The following PTPRQ variants were observed in gnomAD, a reference collection of about 807,000 sequenced individuals.
The protein encoded by PTPRQ is protein tyrosine phosphatase receptor type Q.
In PTPRQ, 199 loss-of-function variants were observed where a neutral mutation model predicts 246.0. That is an observed-to-expected ratio of 0.81 (90% confidence interval 0.72 to 0.91). The LOEUF is 0.91. Among genes scored for constraint, PTPRQ ranks in the 40% least tolerant of loss-of-function variants. PTPRQ has a pLI of 0.00. For synonymous variants in PTPRQ, 869 were observed against 853.2 expected (o/e 1.02, Z -0.32); for missense variants, 2,624 against 2,528.4 (o/e 1.04, Z -0.81).
chr12:80,515,315 A>G (rs1315136744), intron 17 of PTPRQ, among the ~76,000 whole-genome samples: 1 of 152,184 alleles, frequency 6.6e-6, no homozygotes, highest in African/African-American at 2.4e-5. Flanking sequence ...CATTGTTAGC[A>G]GGATTACTGT....
At chr12:80,455,304 CTT>C (rs1490252050) in intron 3 of PTPRQ, among the ~76,000 whole-genome samples, 1 of 152,126 alleles carries the variant, frequency 6.6e-6, no homozygotes, top group Non-Finnish European at 1.5e-5. Context: ...TTTAAAAAAA[CTT>C]TAGCTTAGTG....
intron 17 of PTPRQ, among the ~76,000 whole-genome samples, chr12:80,512,976 G>A (rs904621205): frequency 2.6e-5 from 4 of 152,080 alleles, no homozygotes; most frequent in Non-Finnish European, 4.4e-5. Flanking sequence ...CCTCTAGGGG[G>A]AGCATGCAGA....
intron 8 of PTPRQ, among the ~76,000 whole-genome samples, chr12:80,478,107 C>T (rs1432879363): frequency 6.6e-6 from 1 of 151,774 alleles, no homozygotes; most frequent in African/African-American, 2.4e-5. Flanking sequence ...ACAGCAGTAA[C>T]CTCTGCAGAC....
At chr12:80,543,917 T>G (rs966711101) in intron 23 of PTPRQ, among the ~76,000 whole-genome samples, 3 of 152,142 alleles carry the variant, frequency 2.0e-5, no homozygotes, top group Non-Finnish European at 4.4e-5. Context: ...CATTATTCCA[T>G]TTTTTATTTG....
chr12:80,676,508 G>A (rs1326806084), intron 43 of PTPRQ, among the ~76,000 whole-genome samples: 3 of 152,156 alleles, frequency 2.0e-5, no homozygotes, highest in African/African-American at 7.2e-5. Flanking sequence ...CAGGCGTGGT[G>A]GCGCGTGCCT....
In PTPRQ at chr12:80,636,108, T is replaced by G. The variant is rs527414573; in HGVS notation, c.5915+1035T>G. Among the ~76,000 whole-genome samples, 121 of 152,332 alleles carry G rather than the reference T, an allele frequency of 7.9e-4. 2 individuals are homozygous for G. Among genetic ancestry groups the G allele is most frequent in the African/African-American group, 2.7e-3 (114 of 41,574 alleles). On this transcript the variant is annotated intron_variant, in intron 35 of 44. Coordinates refer to ENST00000644991, the MANE Select transcript of PTPRQ (RefSeq NM_001145026.2). ...TCCAAATGCTACAAAATGAAGGTTA[T>G]TCAATGTTATCACTAAATTGCAGGG...
At chr12:80,618,681 T>C (rs968835450) in intron 30 of PTPRQ, among the ~76,000 whole-genome samples, 1 of 151,508 alleles carries the variant, frequency 6.6e-6, no homozygotes, top group Non-Finnish European at 1.5e-5. Context: ...TGAATTCCCA[T>C]CACCAGATGA....
At chr12:80,471,468 T>G (rs956082356) in intron 7 of PTPRQ, among the ~76,000 whole-genome samples, 1 of 80,506 alleles carries the variant, frequency 1.2e-5, no homozygotes, top group Non-Finnish European at 2.5e-5. Flanking sequence ...AATGAAATTA[T>G]TTAGCATTTT....
chr12:80,515,824 A>G (rs908391056), intron 17 of PTPRQ, among the ~76,000 whole-genome samples: 4 of 149,184 alleles, frequency 2.7e-5, no homozygotes, highest in Non-Finnish European at 5.9e-5. Flanking sequence ...TTTCTTTATC[A>G]TGAATATTTC....
chr12:80,459,298 G>C lies in PTPRQ; in HGVS notation c.475G>C (p.Val159Leu), dbSNP rs993674262. 130 of 398,258 alleles carry C rather than the reference G, an allele frequency of 3.3e-4. 3 individuals carry two copies. The highest frequency in any genetic ancestry group is 1.4e-3 in the Admixed American group (32 of 22,698). The allele number at this position is 398,258 out of a possible 1,614,324, so 24.7% of individuals were successfully genotyped here. ...CTCTTCCCCAGCTCCAGGAAAAGTG[G>C]TGAATCTCACAGTTGAGGCCTACAA... ...QTAESAPGKV[V>L]NLTVEAYNAS... The change falls in exon 5 of 45, where the codon GTG becomes CTG. Residue 159 changes from valine to leucine, a missense_variant. By Grantham distance (32) the Val-to-Leu change is conservative. Coordinates refer to ENST00000644991, the MANE Select transcript of PTPRQ (RefSeq NM_001145026.2).
Position 80,496,333 on chromosome 12 carries a change from C to A in PTPRQ, c.2074C>A (p.Pro692Thr). ...IRLKWSPPEK[P>T]NGIIIAYEVL... is the part of the protein sequence containing the mutation. ...GTTGAAGTGGTCACCACCCGAAAAG[C>A]CCAATGGGATCATTATTGCTTATGA... is the stretch of plus-strand genomic sequence containing the variant. Residue 692 changes from proline to threonine, a missense_variant, in exon 14 of 45, where the codon CCC becomes ACC. By Grantham distance (38) the Pro-to-Thr change is conservative. Coordinates refer to ENST00000644991, the MANE Select transcript of PTPRQ (RefSeq NM_001145026.2). 3 of 1,550,624 alleles carry A rather than the reference C, an allele frequency of 1.9e-6. No individual in the cohort carries two copies. Among genetic ancestry groups the A allele is most frequent in the South Asian group, 1.2e-5 (1 of 83,932 alleles).
At chr12:80,568,024 C>T (rs1897030531) in intron 25 of PTPRQ, among the ~76,000 whole-genome samples, 1 of 152,000 alleles carries the variant, frequency 6.6e-6, no homozygotes, top group Non-Finnish European at 1.5e-5. Flanking sequence ...GATTATTGGC[C>T]ATTCATATAC....
intron 9 of PTPRQ, 93 bp downstream of exon 9, chr12:80,484,698 T>C: frequency 6.9e-7 from 1 of 1,442,468 alleles, no homozygotes; most frequent in Admixed American, 2.6e-5. Context: ...ACACATGTAA[T>C]ATTTGACCAC....
rs1565785527 is a variant in PTPRQ at position 80,558,139 on chromosome 12, TTTTCTTTTCTTTTCTTTTCTTTTCTTTTC to T, written c.4285+8424_4285+8452del. Among the ~76,000 whole-genome samples, 944 of 128,142 alleles carry T rather than the reference TTTTCTTTTCTTTTCTTTTCTTTTCTTTTC, an allele frequency of 7.4e-3. 32 individuals are homozygous for T. The highest frequency in any genetic ancestry group is 0.033 in the African/African-American group (883 of 26,950). 84.1% of individuals were successfully genotyped at this position (128,142 alleles called of 152,430 possible). A position where few individuals can be genotyped will look rare whatever the true frequency, so the allele number is the denominator to read the frequency against. ...TCTTTCTTTCTTTTCTTTTCTTTTCTTTTCTTTTCTTTTCTTTTCTTTTCTTTTCTTTCTTTTCTTTTCTTTTTGAAACA... is the reference window on the plus strand; with the variant it reads ...TCTTTCTTTCTTTTCTTTTCTTTTCTTTTCTTTTCTTTTCTTTTTGAAACA... On this transcript the variant is annotated intron_variant, in intron 25 of 44. Coordinates refer to ENST00000644991, the MANE Select transcript of PTPRQ (RefSeq NM_001145026.2).
At chr12:80,630,699 G>A (rs1027519001) in intron 33 of PTPRQ, among the ~76,000 whole-genome samples, 5 of 151,998 alleles carry the variant, frequency 3.3e-5, no homozygotes, top group Middle Eastern at 3.2e-3. Context: ...CAACTATTTC[G>A]TTAGAAATAC....
chr12:80,638,329 T>C (rs1372668801), intron 35 of PTPRQ, among the ~76,000 whole-genome samples: 4 of 151,894 alleles, frequency 2.6e-5, no homozygotes, highest in Non-Finnish European at 2.9e-5. Context: ...TTCTTAGGCA[T>C]GTCCTTTTTA....
At chr12:80,642,929 A>AAC (rs796753845) in intron 35 of PTPRQ, among the ~76,000 whole-genome samples, 2 of 141,204 alleles carry the variant, frequency 1.4e-5, no homozygotes, top group African/African-American at 6.1e-5. Context: ...TAAAAAAAAA[A>AAC]AAAAAAAAAA....
intron 17 of PTPRQ, among the ~76,000 whole-genome samples, chr12:80,511,155 T>C (rs1355721226): frequency 6.6e-6 from 1 of 152,182 alleles, no homozygotes; most frequent in East Asian, 1.9e-4. Flanking sequence ...TTTCCTTTTA[T>C]ATTTCTGAAT....
intron 38 of PTPRQ, among the ~76,000 whole-genome samples, chr12:80,657,261 T>C (rs1900474309): frequency 1.3e-5 from 2 of 151,868 alleles, no homozygotes; most frequent in Admixed American, 1.3e-4. Flanking sequence ...TCAGTTTCAC[T>C]TGTATTTAAG....
Sources: gnomAD v4.1 joint callset for allele counts (sites outside exome capture counted in the v4.1 genomes callset) on GRCh38, gnomAD v4.1.1 for gene constraint, MANE v1.5 for transcripts, NCBI Gene and HGNC (gene_info 2026-07-23, HGNC 2026-07-21) for gene names.